The following AFF2 variants were observed in gnomAD, a reference collection of about 807,000 sequenced individuals.
AFF2 encodes AF4/FMR2 family member 2.
Under a neutral mutation model 76.9 loss-of-function variants are expected in AFF2, and 14 were observed. The ratio of observed to expected loss-of-function variants is 0.18; its 90% confidence interval spans 0.12 to 0.28. The LOEUF is 0.28. AFF2 is among the 10% of genes least tolerant of loss of function. The pLI is 1.00. For synonymous variants in AFF2, 398 were observed against 366.7 expected, an observed-to-expected ratio of 1.09 and a Z score of -0.98; for missense variants, 868 against 1,001.1, an observed-to-expected ratio of 0.87 and a Z score of 1.79.
Position 148,967,004 on chromosome X carries a change from C to T in AFF2, c.3128C>T (p.Thr1043Met), listed in dbSNP as rs782491194. Residue 1043 changes from threonine (T) to methionine (M), a missense_variant, in exon 14 of 21, where the codon ACG (threonine) becomes ATG (methionine). This residue lies in a region of AFF2 where 57 missense variants were observed against 117.8 expected (regional missense o/e 0.48). Coordinates refer to ENST00000370460, the MANE Select transcript of AFF2 (RefSeq NM_002025.4). ...ATGGATAGCAGTCACCTGGAGATGA[C>T]GTCCTGGGCGGCTCTGCCCCTTCTA... ...GLMDSSHLEM[T>M]SWAALPLLSS... 6 of 1,211,568 alleles carry T rather than the reference C, an allele frequency of 5.0e-6. No homozygotes were observed. The highest frequency in any genetic ancestry group is 5.6e-6 in the Non-Finnish European group (5 of 895,522).
rs782320449 is a variant in AFF2, at chrX:148,936,109, C to CT, written c.1398-17463dup. 2.2e-3 allele frequency among the ~76,000 whole-genome samples: 239 copies of CT among 110,502 alleles called. 1 individual carries two copies. The highest frequency in any genetic ancestry group is 7.5e-3 in the African/African-American group (228 of 30,409). On this transcript the variant is annotated intron_variant, in intron 9 of 20. Coordinates refer to ENST00000370460, the MANE Select transcript of AFF2 (RefSeq NM_002025.4). ...AAAGTACATAAGGTCTGTAGGGCAG[C>CT]TTTTTTTTAAGTGCAAATGAGACAC...
intron 1 of AFF2, among the ~76,000 whole-genome samples, chrX:148,541,335 A>G (rs1031936080): frequency 8.9e-6 from 1 of 111,941 alleles, no homozygotes; most frequent in African/African-American, 3.2e-5. Context: ...TTGTTCGCCT[A>G]ATTCTGATTC....
chrX:148,657,549 G>A (rs2054265299), intron 2 of AFF2, among the ~76,000 whole-genome samples: 1 of 112,017 alleles, frequency 8.9e-6, no homozygotes, highest in Admixed American at 9.5e-5. Flanking sequence ...CAAACTGAGG[G>A]AAGTTTGCAT....
At chrX:148,694,111 C>T (rs5980579) in intron 3 of AFF2, among the ~76,000 whole-genome samples, 8,182 of 96,617 alleles carry the variant, frequency 0.085, 901 homozygotes, top group African/African-American at 0.3. Context: ...TAGGTGGGAA[C>T]TGAACAATGA....
At chrX:148,908,703 A>G (rs2071436964) in intron 9 of AFF2, among the ~76,000 whole-genome samples, 1 of 112,513 alleles carries the variant, frequency 8.9e-6, no homozygotes, top group Admixed American at 9.4e-5. Flanking sequence ...TATGAACACA[A>G]ATTGGTAAAT....
At chrX:148,548,766 C>T (rs1014001996) in intron 1 of AFF2, among the ~76,000 whole-genome samples, 18 of 112,142 alleles carry the variant, frequency 1.6e-4, no homozygotes, top group Non-Finnish European at 2.1e-4. Context: ...CATCTGTTTT[C>T]GTCTTCCAGT....
At chrX:148,815,386 G>A (rs2070252223) in intron 4 of AFF2, among the ~76,000 whole-genome samples, 2 of 111,561 alleles carry the variant, frequency 1.8e-5, no homozygotes, top group South Asian at 7.4e-4. Flanking sequence ...AGCACTAATG[G>A]ACTTAATACG....
intron 1 of AFF2, among the ~76,000 whole-genome samples, chrX:148,640,792 A>C (rs77675276): frequency 1.2e-3 from 132 of 112,283 alleles, no homozygotes; most frequent in Non-Finnish European, 2.0e-3. Context: ...GCAAAGGCCA[A>C]ATTATCAGTT....
intron 3 of AFF2, among the ~76,000 whole-genome samples, chrX:148,795,718 G>T (rs1480703113): frequency 1.1e-5 from 1 of 89,062 alleles, no homozygotes; most frequent in African/African-American, 4.2e-5. Context: ...CAGGAGAACC[G>T]CTTGAACCCA....
rs781812414 is a variant in AFF2, at chrX:148,940,785, A to G, written c.1398-12795A>G. Among the ~76,000 whole-genome samples the G allele has an allele frequency of 5.4e-5, 6 of 111,513 alleles. 1 individual carries two copies. The South Asian group carries it at 2.3e-3, about 42-fold the overall frequency. On this transcript the variant is annotated intron_variant, in intron 9 of 20. Transcript: ENST00000370460. Reference sequence around the variant, plus strand: ...TCTTATCACTAGTGGCCATGTACAGACTTCCTCTTGACGTCAAAGGCAAGT... The same window carrying G: ...TCTTATCACTAGTGGCCATGTACAGGCTTCCTCTTGACGTCAAAGGCAAGT...
At chrX:148,852,696 C>A (rs1186743746) in intron 7 of AFF2, among the ~76,000 whole-genome samples, 1 of 111,419 alleles carries the variant, frequency 9.0e-6, no homozygotes, top group African/African-American at 3.3e-5. Flanking sequence ...ATTTTATAAG[C>A]ATCAGCTATT....
intron 9 of AFF2, among the ~76,000 whole-genome samples, chrX:148,925,138 T>C (rs1761188036): frequency 8.9e-6 from 1 of 112,614 alleles, no homozygotes; most frequent in Non-Finnish European, 1.9e-5. Flanking sequence ...GTTCTAATCC[T>C]GTCTAATCTG....
intron 1 of AFF2, among the ~76,000 whole-genome samples, chrX:148,587,440 T>A (rs1434827212): frequency 1.8e-5 from 2 of 112,311 alleles, no homozygotes; most frequent in African/African-American, 6.5e-5. Context: ...AATTTTGTAA[T>A]ACTTAGTGTG....
intron 3 of AFF2, among the ~76,000 whole-genome samples, chrX:148,697,865 A>G (rs1350621074): frequency 8.9e-6 from 1 of 112,158 alleles, no homozygotes; most frequent in Non-Finnish European, 1.9e-5. Context: ...GCATTTATAA[A>G]TGATATGACT....
At chrX:148,820,739 A>G (rs991688193) in intron 4 of AFF2, among the ~76,000 whole-genome samples, 7 of 111,719 alleles carry the variant, frequency 6.3e-5, no homozygotes, top group Admixed American at 1.9e-4. Context: ...TTACTTTCAT[A>G]AAAATATTTA....
At chrX:148,568,669 G>A (rs188860357) in intron 1 of AFF2, among the ~76,000 whole-genome samples, 187 of 111,772 alleles carry the variant, frequency 1.7e-3, no homozygotes, top group Middle Eastern at 4.6e-3. Context: ...CAGTATATTG[G>A]CATGTCAATA....
intron 3 of AFF2, among the ~76,000 whole-genome samples, chrX:148,697,674 C>A (rs1489602531): frequency 9.1e-6 from 1 of 110,294 alleles, no homozygotes; most frequent in African/African-American, 3.3e-5. Flanking sequence ...AAAAAAAGAA[C>A]CAATTTAGGT....
At chrX:148,750,060 C>T (rs1354470335) in intron 3 of AFF2, among the ~76,000 whole-genome samples, 33 of 109,690 alleles carry the variant, frequency 3.0e-4, no homozygotes, top group South Asian at 1.6e-3. Context: ...CTCCGTTCCC[C>T]GGGTTCAAGT....
At chrX:148,679,745 A>G (rs1161492247) in intron 3 of AFF2, among the ~76,000 whole-genome samples, 1 of 111,487 alleles carries the variant, frequency 9.0e-6, no homozygotes, top group Non-Finnish European at 1.9e-5. Context: ...GTGATGCCAA[A>G]TGGAAGCTCT....
Sources: allele counts gnomAD v4.1 joint callset (sites outside exome capture counted in the v4.1 genomes callset), GRCh38; gene constraint gnomAD v4.1.1; regional missense constraint gnomAD v4.1.1; transcripts MANE v1.5; gene names NCBI Gene and HGNC (gene_info 2026-07-23, HGNC 2026-07-21).